Variants in PLCH1 observed in about 807,000 individuals in gnomAD.
PLCH1 encodes the protein 1-phosphatidylinositol 4,5-bisphosphate phosphodiesterase eta-1.
PLCH1 carries 60 observed loss-of-function variants against 126.7 expected under a neutral mutation model. The ratio of observed to expected loss-of-function variants is 0.47; its 90% confidence interval spans 0.38 to 0.59. The LOEUF is 0.59. PLCH1 is among the 20% of genes least tolerant of loss of function. The pLI, the probability that PLCH1 is intolerant of heterozygous loss-of-function variation, is 0.00. For synonymous variants in PLCH1, 719 were observed against 734.9 expected, an observed-to-expected ratio of 0.98 and a Z score of 0.35; for missense variants, 1,723 against 2,040.0, an observed-to-expected ratio of 0.84 and a Z score of 2.99.
chr3:155,689,467 GAT>G (rs1350748440), intron 2 of PLCH1, among the ~76,000 whole-genome samples: 2 of 152,048 alleles, frequency 1.3e-5, no homozygotes, highest in African/African-American at 4.8e-5. Context: ...GAGAAACAGA[GAT>G]ATATGACCTT....
chr3:155,700,047 C>T (rs575328991), intron 2 of PLCH1, among the ~76,000 whole-genome samples: 6 of 152,170 alleles, frequency 3.9e-5, no homozygotes, highest in Non-Finnish European at 8.8e-5. Context: ...GACCTCACAC[C>T]TTGCTGCTAT....
At chr3:155,720,712 G>A (rs989342008) in intron 1 of PLCH1, among the ~76,000 whole-genome samples, 1 of 152,122 alleles carries the variant, frequency 6.6e-6, no homozygotes, top group South Asian at 2.1e-4. Flanking sequence ...CTGTGCAGAA[G>A]CTTTTTAGTT....
At chr3:155,468,164 C>T (rs2107979241) in intron 21 of PLCH1, among the ~76,000 whole-genome samples, 1 of 152,204 alleles carries the variant, frequency 6.6e-6, no homozygotes, top group Non-Finnish European at 1.5e-5. Flanking sequence ...TTTGTTTATG[C>T]AAATAATGTT....
At chr3:155,572,042 CA>C (rs1729295393) in intron 6 of PLCH1, among the ~76,000 whole-genome samples, 1 of 152,146 alleles carries the variant, frequency 6.6e-6, no homozygotes, top group Non-Finnish European at 1.5e-5. Context: ...AAATTCTTCC[CA>C]ATGACTCTAA....
Position 155,596,359 on chromosome 3 carries a change from C to A in PLCH1, c.99G>T (p.Val33=). 6.2e-7 allele frequency: 1 copy of A among 1,612,724 alleles called. No individual in the cohort carries two copies. The highest frequency in any genetic ancestry group is 8.5e-7 in the Non-Finnish European group (1 of 1,179,276). The part of the protein sequence containing the change: ...SVFHVERCMS[V]MQSGTQMIKL... Reference sequence around the variant, plus strand: ...TGATCATCTGTGTCCCGGACTGCATCACACTCATGCATCTTTCAACTGCAA... The same window carrying A: ...TGATCATCTGTGTCCCGGACTGCATAACACTCATGCATCTTTCAACTGCAA... Residue 33 remains valine, a synonymous_variant, in exon 3 of 23, where the codon GTG becomes GTT. Coordinates refer to ENST00000460012, the MANE Select transcript of PLCH1 (RefSeq NM_014996.4).
At position 155,570,551 on chromosome 3, in the gene PLCH1, T is replaced by C. The variant is rs1006237735; in HGVS notation, c.772-2227A>G. Among the ~76,000 whole-genome samples, 6 of 152,244 alleles carry C rather than the reference T, an allele frequency of 3.9e-5. No individual in the cohort carries two copies. The South Asian group carries it at 1.2e-3, about 31-fold the overall frequency. ...TAATGACTCTACATTTATATAATGC[T>C]GTCAATGTGCAGTAAAGAGCTTTTA... On this transcript the variant is annotated intron_variant, in intron 6 of 22. Transcript: ENST00000460012.
At chr3:155,565,175 T>C in intron 7 of PLCH1, 57 bp from the exon 8 acceptor site, 2 of 1,210,116 alleles carry the variant, frequency 1.7e-6, no homozygotes, top group Non-Finnish European at 2.4e-6. Context: ...ACTTAATGGC[T>C]CTAAGAGGGG....
chr3:155,469,044 T>C (rs1713046066), intron 21 of PLCH1, among the ~76,000 whole-genome samples: 1 of 152,074 alleles, frequency 6.6e-6, no homozygotes, highest in African/African-American at 2.4e-5. Flanking sequence ...TTAAAACATT[T>C]TTAAAAATTG....
intron 20 of PLCH1, 57 bp downstream of exon 20, chr3:155,488,603 G>T: frequency 7.2e-7 from 1 of 1,379,330 alleles, no homozygotes; most frequent in Non-Finnish European, 1.0e-6. Context: ...CATATATTAC[G>T]TCTTCCAAAT....
chr3:155,475,311 C>T (rs1251631034), downstream of PLCH1, among the ~76,000 whole-genome samples: 2 of 151,870 alleles, frequency 1.3e-5, no homozygotes, highest in African/African-American at 2.4e-5. Flanking sequence ...CTACAGGATA[C>T]AGCAAAAGCA....
intron 1 of PLCH1, among the ~76,000 whole-genome samples, chr3:155,706,476 C>T (rs578053973): frequency 2.7e-5 from 4 of 150,388 alleles, no homozygotes; most frequent in African/African-American, 7.3e-5. Flanking sequence ...AAAAATTAGC[C>T]GGGCATGGTG....
chr3:155,467,074 G>A (rs1233328786), intron 21 of PLCH1, among the ~76,000 whole-genome samples: 1 of 152,076 alleles, frequency 6.6e-6, no homozygotes, highest in African/African-American at 2.4e-5. Context: ...GGGGTAGAAA[G>A]TTTATTCAAA....
intron 1 of PLCH1, among the ~76,000 whole-genome samples, chr3:155,710,319 T>G (rs1747009749): frequency 6.6e-6 from 1 of 152,178 alleles, no homozygotes; most frequent in Non-Finnish European, 1.5e-5. Flanking sequence ...AAAAATGTAT[T>G]TTGGACAAGA....
intron 19 of PLCH1, 152 bp from the exon 20 acceptor site, chr3:155,488,958 G>A (rs1715744732): frequency 4.9e-6 from 3 of 606,342 alleles, no homozygotes; most frequent in Non-Finnish European, 8.2e-6. Context: ...ATGCCTTACT[G>A]GAATAAAGCC....
intron 4 of PLCH1, among the ~76,000 whole-genome samples, chr3:155,591,970 T>G (rs1732239656): frequency 6.6e-6 from 1 of 152,064 alleles, no homozygotes; most frequent in Non-Finnish European, 1.5e-5. Flanking sequence ...CCTCCTAAAG[T>G]GCTGTGATTC....
intron 2 of PLCH1, among the ~76,000 whole-genome samples, chr3:155,656,490 C>A (rs1203406398): frequency 6.6e-6 from 1 of 151,964 alleles, no homozygotes. Flanking sequence ...AAAATGTTTC[C>A]TTCTTAGACA....
chr3:155,452,153 G>A (rs551251808), intron 21 of PLCH1, among the ~76,000 whole-genome samples: 122 of 152,274 alleles, frequency 8.0e-4, no homozygotes, highest in African/African-American at 2.7e-3. Context: ...CCACATGACT[G>A]GGGAGGCCTC....
intron 2 of PLCH1, among the ~76,000 whole-genome samples, chr3:155,615,761 CAG>C (rs1337136911): frequency 6.6e-6 from 1 of 151,728 alleles, no homozygotes; most frequent in African/African-American, 2.4e-5. Context: ...CTTGGGGACT[CAG>C]GGGGAGGGTT....
chr3:155,668,084 CAA>C (rs756879174), intron 2 of PLCH1, among the ~76,000 whole-genome samples: 12 of 38,000 alleles, frequency 3.2e-4, no homozygotes, highest in African/African-American at 1.1e-3. Context: ...GACTCCATCT[CAA>C]AAAAAAAAAA....
Sources: allele counts gnomAD v4.1 joint callset (sites outside exome capture counted in the v4.1 genomes callset), GRCh38; gene constraint gnomAD v4.1.1; transcripts MANE v1.5; gene names NCBI Gene and HGNC (gene_info 2026-07-23, HGNC 2026-07-21).